The following JMJD4 variants were observed in gnomAD, a reference collection of about 807,000 sequenced individuals.
The protein encoded by JMJD4 is 2-oxoglutarate and iron-dependent oxygenase JMJD4.
A neutral mutation model predicts 36.3 loss-of-function variants in JMJD4; 34 were observed. That is an observed-to-expected ratio of 0.94 (90% CI 0.71 to 1.25). The LOEUF (loss-of-function observed/expected upper bound fraction) is 1.25. JMJD4 is among the 50% of genes most tolerant of loss of function. The pLI is 0.00. For synonymous variants in JMJD4, 269 were observed against 235.3 expected (o/e 1.14, Z -1.31); for missense variants, 584 against 559.1 (o/e 1.04, Z -0.45).
rs201975311 is a variant in JMJD4 at position 227,735,173 on chromosome 1, G to A, written c.101C>T (p.Ser34Leu). 70 of 1,580,640 alleles carry A rather than the reference G, an allele frequency of 4.4e-5. No individual in the cohort carries two copies. The highest frequency in any genetic ancestry group is 5.8e-5 in the Non-Finnish European group (68 of 1,164,242). The change falls in exon 1 of 6, where the codon TCG (serine) becomes TTG (leucine). Residue 34 changes from serine to leucine, a missense_variant. By Grantham distance (145) the Ser-to-Leu change is moderately radical (BLOSUM62 -2). Coordinates refer to ENST00000620518, the MANE Select transcript of JMJD4 (RefSeq NM_023007.3). ...GQAPGRVAFV[S>L]EPGAFSYADF... ...GGCGTAGGAGAAGGCGCCCGGCTCC[G>A]AGACGAAGGCTACCCGGCCCGGAGC...
At chr1:227,733,280 A>T in intron 4 of JMJD4, 134 bp downstream of exon 4, 1 of 1,000,164 alleles carries the variant, frequency 1.0e-6, no homozygotes, top group Non-Finnish European at 1.4e-6. Context: ...CAGCGACACC[A>T]CCTTGTGAAG....
intron 1 of JMJD4, 91 bp downstream of exon 1, chr1:227,734,921 C>G: frequency 6.5e-7 from 1 of 1,531,782 alleles, no homozygotes. Context: ...CTCCCTCACC[C>G]TCCCTGGTGC....
At position 227,733,528 on chromosome 1, in the gene JMJD4, G is replaced by A. The variant is rs141021924; in HGVS notation, c.708C>T (p.Cys236=). ...GGTTCCGTGGGTGCAGGTGTGTGTC[G>A]CAGAGTGCTGGGGAGGTCACGTCGT... is the stretch of plus-strand genomic sequence containing the variant. ...LPYDVTSPAL[C]DTHLHPRNQL... Residue 236 remains cysteine, a synonymous_variant, in exon 4 of 6, where the codon TGC becomes TGT. Transcript: ENST00000620518. The A allele has an allele frequency of 5.5e-4, 883 of 1,602,866 alleles. 2 individuals carry two copies. Among genetic ancestry groups the A allele is most frequent in the Non-Finnish European group, 6.1e-4 (722 of 1,174,374 alleles).
chr1:227,734,294 T>A (rs1660900250), intron 2 of JMJD4: 1 of 380,720 alleles, frequency 2.6e-6, no homozygotes, highest in South Asian at 3.8e-5. Flanking sequence ...GGTGGATGCA[T>A]CACCTGAGCT....
In JMJD4 at chr1:227,732,919, A is replaced by G. The variant is rs752009465; in HGVS notation, c.931T>C (p.Trp311Arg). The part of the protein sequence containing the change: ...LCAVQEEVSE[W>R]RDSMPDWHHH... ...TGCCAGTCGGGCATGGAGTCCCTCC[A>G]CTCGCTGACCTCCTCCTGCACGGCG... is the stretch of plus-strand genomic sequence containing the variant. Residue 311 changes from tryptophan to arginine, a missense_variant, in exon 5 of 6, where the codon TGG (tryptophan) becomes CGG (arginine). By Grantham distance (101) the Trp-to-Arg change is moderately radical. Transcript: ENST00000620518. 28 of 1,612,774 alleles carry G rather than the reference A, an allele frequency of 1.7e-5. No individual in the cohort carries two copies. In the Admixed American group the frequency reaches 4.7e-4, roughly 27 times the overall value.
intron 1 of JMJD4, 44 bp downstream of exon 1, chr1:227,734,968 G>C (rs756991468): frequency 6.0e-6 from 9 of 1,500,756 alleles, no homozygotes; most frequent in Non-Finnish European, 8.0e-6. Context: ...CCTGGGTCCC[G>C]CCGGCCTTTC....
Position 227,735,051 on chromosome 1 carries a change from C to T in JMJD4, c.223G>A (p.Ala75Thr), listed in dbSNP as rs372581089. Residue 75 changes from alanine (A) to threonine (T), a missense_variant, in exon 1 of 6, where the codon GCG becomes ACG. Ala to Thr is a moderately conservative substitution (Grantham distance 58). Coordinates refer to ENST00000620518, the MANE Select transcript of JMJD4 (RefSeq NM_023007.3). ...AGGTGGTCGAAGTCGGGCCTCCCCG[C>T]GGGCGTCACCCAGCGCCGCCGGCTG... Reference protein sequence around the residue: ...WGSRRRWVTPAGRPDFDHLLR... With the variant: ...WGSRRRWVTPTGRPDFDHLLR... 1.6e-4 allele frequency: 250 copies of T among 1,555,282 alleles called. 2 individuals are homozygous for T. The South Asian group carries it at 2.0e-3, about 12-fold the overall frequency.
At position 227,734,025 on chromosome 1, in the gene JMJD4, G is replaced by C. The variant is rs1055805994; in HGVS notation, c.436C>G (p.Pro146Ala). 6.2e-7 allele frequency: 1 copy of C among 1,613,222 alleles called. No individual in the cohort carries two copies. The highest frequency in any genetic ancestry group is 8.5e-7 in the Non-Finnish European group (1 of 1,179,834). The change falls in exon 3 of 6, where the codon CCG (proline) becomes GCG (alanine). Residue 146 changes from proline (P) to alanine (A), a missense_variant. Transcript: ENST00000620518. ...LKDWHLCRDF[P>A]VEDVFTLPVY... Reference sequence around the variant, plus strand: ...GGCAGGGTGAAAACGTCCTCCACCGGAAAGTCCCTGTGAGGAGGGCGCAAG... The same window carrying C: ...GGCAGGGTGAAAACGTCCTCCACCGCAAAGTCCCTGTGAGGAGGGCGCAAG...
In JMJD4 at chr1:227,732,925, T is replaced by A; in HGVS notation, c.925A>T (p.Ser309Cys). 6.2e-7 allele frequency: 1 copy of A among 1,613,110 alleles called. No homozygotes were observed. Among genetic ancestry groups the A allele is most frequent in the African/African-American group, 1.3e-5 (1 of 75,068 alleles). The stretch of plus-strand genomic sequence containing the variant: ...TCGGGCATGGAGTCCCTCCACTCGC[T>A]GACCTCCTCCTGCACGGCGCATAGC... ...QELCAVQEEV[S>C]EWRDSMPDWH... The change falls in exon 5 of 6, where the codon AGC becomes TGC. Residue 309 changes from serine to cysteine, a missense_variant. By Grantham distance (112) the Ser-to-Cys change is moderately radical. Coordinates refer to ENST00000620518, the MANE Select transcript of JMJD4 (RefSeq NM_023007.3).
chr1:227,734,045 C>G lies in JMJD4; in HGVS notation c.429-13G>C. ...CACCGGAAAGTCCCTGTGAGGAGGG[C>G]GCAAGGGCACCACCGACAGCACGTG... On this transcript the variant is annotated splice_polypyrimidine_tract_variant and intron_variant, in intron 2 of 5. Coordinates refer to ENST00000620518, the MANE Select transcript of JMJD4 (RefSeq NM_023007.3). 1 of 1,610,588 alleles carries G rather than the reference C, an allele frequency of 6.2e-7. No homozygotes were observed. The highest frequency in any genetic ancestry group is 8.5e-7 in the Non-Finnish European group (1 of 1,178,832).
At chr1:227,734,108 T>C in intron 2 of JMJD4, 76 bp from the exon 3 acceptor site, 1 of 1,523,558 alleles carries the variant, frequency 6.6e-7, no homozygotes, top group East Asian at 2.3e-5. Flanking sequence ...GTGGGGCAAC[T>C]GAGACCAATC....
intron 4 of JMJD4, 166 bp downstream of exon 4, chr1:227,733,247 TG>T: frequency 1.1e-6 from 1 of 884,360 alleles, no homozygotes; most frequent in Non-Finnish European, 1.7e-6. Context: ...GGACCGGCAG[TG>T]GGTGAAACAG....
chr1:227,732,990 C>G lies in JMJD4; in HGVS notation c.860G>C (p.Gly287Ala). The G allele has an allele frequency of 6.2e-7, 1 of 1,613,520 alleles. No individual in the cohort carries two copies. The highest frequency in any genetic ancestry group is 8.5e-7 in the Non-Finnish European group (1 of 1,180,028). The change falls in exon 5 of 6, where the codon GGC (glycine) becomes GCC (alanine). Residue 287 changes from glycine to alanine, a missense_variant. Coordinates refer to ENST00000620518, the MANE Select transcript of JMJD4 (RefSeq NM_023007.3). ...TISINHNWVN[G>A]FNLANMWRFL... is the part of the protein sequence containing the mutation. ...GCGCCACATGTTGGCCAGGTTGAAG[C>G]CATTGACCCAGTTGTGGTTGATGGA...
chr1:227,734,345 G>C (rs965094971), intron 2 of JMJD4: 1 of 205,462 alleles, frequency 4.9e-6, no homozygotes. Flanking sequence ...GTGAAACCTA[G>C]TCTCTTTAAA....
chr1:227,733,223 G>C (rs945066603), intron 4 of JMJD4, 191 bp downstream of exon 4: 1 of 848,014 alleles, frequency 1.2e-6, no homozygotes, highest in African/African-American at 1.7e-5. Flanking sequence ...TGAACCCAGA[G>C]CAAGTAGACC....
intron 5 of JMJD4, 46 bp downstream of exon 5, chr1:227,732,835 T>G (rs1268076777): frequency 1.2e-6 from 2 of 1,608,610 alleles, no homozygotes; most frequent in African/African-American, 2.7e-5. Flanking sequence ...CCATGCAGCC[T>G]AAAAGCCTCC....
At position 227,735,234 on chromosome 1, in the gene JMJD4, G is replaced by C; in HGVS notation, c.40C>G (p.Arg14Gly). ...ETRALADSHF[R>G]GLGVDVPGVG... ...CCGGGGACATCGACCCCCAGGCCTC[G>C]GAAGTGGCTGTCGGCGAGGGCGCGC... Residue 14 changes from arginine (R) to glycine (G), a missense_variant, in exon 1 of 6, where the codon CGA becomes GGA. Coordinates refer to ENST00000620518, the MANE Select transcript of JMJD4 (RefSeq NM_023007.3). The C allele has an allele frequency of 6.3e-7, 1 of 1,598,690 alleles. No homozygotes were observed. The highest frequency in any genetic ancestry group is 8.5e-7 in the Non-Finnish European group (1 of 1,173,486).
Position 227,731,854 on chromosome 1 carries a change from T to C in JMJD4, c.*538A>G. Reference sequence around the variant, plus strand: ...GGCAAAGGCCAGCCCAACCCAGCCCTCCACTCTGGGTACCCAGAGGAAGGC... The same window carrying C: ...GGCAAAGGCCAGCCCAACCCAGCCCCCCACTCTGGGTACCCAGAGGAAGGC... On this transcript the variant is annotated 3_prime_UTR_variant, in exon 6 of 6. Coordinates refer to ENST00000620518, the MANE Select transcript of JMJD4 (RefSeq NM_023007.3). 1.3e-5 allele frequency: 2 copies of C among 154,662 alleles called. No individual in the cohort carries two copies. Among genetic ancestry groups the C allele is most frequent in the Non-Finnish European group, 2.9e-5 (2 of 69,442 alleles). The allele number at this position is 154,662 out of a possible 1,614,324, so 9.6% of individuals were successfully genotyped here.
intron 5 of JMJD4, 55 bp from the exon 6 acceptor site, chr1:227,732,731 A>G (rs937711360): frequency 6.3e-7 from 1 of 1,599,928 alleles, no homozygotes; most frequent in African/African-American, 1.3e-5. Flanking sequence ...TCCAAGCTGC[A>G]AAGGACCCGA....
Sources: gnomAD v4.1 joint callset for allele counts on GRCh38, gnomAD v4.1.1 for gene constraint, MANE v1.5 for transcripts, NCBI Gene and HGNC (gene_info 2026-07-23, HGNC 2026-07-21) for gene names.